CTSL: variants seen among roughly 807,000 people sequenced by gnomAD.
CTSL encodes cathepsin L.
A neutral mutation model predicts 34.7 loss-of-function variants in CTSL; 23 were observed. The observed-to-expected ratio is 0.66, with a 90% confidence interval of 0.48 to 0.94. The LOEUF (loss-of-function observed/expected upper bound fraction) is 0.94, where lower values mean the gene tolerates loss of function less well. CTSL is among the 40% of genes least tolerant of loss of function. The pLI is 0.00. For synonymous variants in CTSL, 129 were observed against 136.7 expected (o/e 0.94, Z 0.39); for missense variants, 361 against 406.3 (o/e 0.89, Z 0.96).
chr9:87,729,209 C>G (rs1488021610), intron 5 of CTSL, among the ~76,000 whole-genome samples: 2 of 151,918 alleles, frequency 1.3e-5, no homozygotes, highest in Non-Finnish European at 2.9e-5. Context: ...GAATATATAT[C>G]TGCAAATTGT....
chr9:87,729,813 C>T (rs2118246400), intron 6 of CTSL, 78 bp downstream of exon 6: 2 of 1,435,394 alleles, frequency 1.4e-6, no homozygotes, highest in Non-Finnish European at 1.9e-6. Flanking sequence ...CTCTGGTTTG[C>T]AAGTAAAGTT....
intron 6 of CTSL, among the ~76,000 whole-genome samples, 183 bp downstream of exon 6, chr9:87,729,918 A>G (rs896080239): frequency 6.6e-6 from 1 of 152,250 alleles, no homozygotes; most frequent in African/African-American, 2.4e-5. Flanking sequence ...TGTTGCGTAT[A>G]TCTCCATGAA....
chr9:87,730,941 G>A, intron 7 of CTSL, 67 bp from the exon 8 acceptor site: 1 of 1,282,996 alleles, frequency 7.8e-7, no homozygotes, highest in East Asian at 2.3e-5. Flanking sequence ...TTTAAGTTGG[G>A]TGTTCCTGTT....
chr9:87,726,993 C>G (rs967895214), intron 1 of CTSL, among the ~76,000 whole-genome samples: 1 of 151,838 alleles, frequency 6.6e-6, no homozygotes, highest in Non-Finnish European at 1.5e-5. Flanking sequence ...GAGCCGATAT[C>G]GCGCCGTTGA....
chr9:87,729,562 A>T lies in CTSL; in HGVS notation c.622-11A>T, dbSNP rs1251347195. On this transcript the variant is annotated splice_polypyrimidine_tract_variant and intron_variant, in intron 5 of 7. Transcript: ENST00000343150. ...GTAATCAAGTCTTTTTTTTCCCTTT[A>T]CCTTTGAAAGGAAGAATCCTGTAAG... is the stretch of plus-strand genomic sequence containing the variant. The T allele has an allele frequency of 3.7e-6, 6 of 1,608,350 alleles. No individual in the cohort carries two copies. The highest frequency in any genetic ancestry group is 1.7e-5 in the Admixed American group (1 of 58,506).
chr9:87,728,093 G>A lies in CTSL; in HGVS notation c.193G>A (p.Glu65Lys), dbSNP rs1204547767. Residue 65 changes from glutamate (E) to lysine (K), a missense_variant, in exon 3 of 8, where the codon GAA (glutamate) becomes AAA (lysine). By Grantham distance (56) the Glu-to-Lys change is moderately conservative (BLOSUM62 1). Coordinates refer to ENST00000343150, the MANE Select transcript of CTSL (RefSeq NM_001912.5). Reference protein sequence around the residue: ...NMKMIELHNQEYREGKHSFTM... With the variant: ...NMKMIELHNQKYREGKHSFTM... ...GAAGATGATTGAACTGCACAATCAG[G>A]AATACAGGGAAGGGAAACACAGCTT... is the stretch of plus-strand genomic sequence containing the variant. 6.2e-7 allele frequency: 1 copy of A among 1,614,090 alleles called. No individual in the cohort carries two copies. Among genetic ancestry groups the A allele is most frequent in the East Asian group, 2.2e-5 (1 of 44,880 alleles).
At chr9:87,727,486 T>A (rs562492997) in intron 1 of CTSL, 108 bp from the exon 2 acceptor site, 14 of 1,160,806 alleles carry the variant, frequency 1.2e-5, no homozygotes, top group Non-Finnish European at 1.7e-5. Flanking sequence ...CTTGGGAGAA[T>A]AATTTAAATA....
chr9:87,726,988 G>C (rs1826028525), intron 1 of CTSL, among the ~76,000 whole-genome samples: 2 of 151,900 alleles, frequency 1.3e-5, no homozygotes, highest in Non-Finnish European at 2.9e-5. Flanking sequence ...GCTGTGAGCC[G>C]ATATCGCGCC....
At chr9:87,730,845 A>C (rs1826230085) in intron 7 of CTSL, among the ~76,000 whole-genome samples, 163 bp from the exon 8 acceptor site, 3 of 152,222 alleles carry the variant, frequency 2.0e-5, no homozygotes. Context: ...AATTATGTCC[A>C]GGTTATGTCA....
At position 87,731,037 on chromosome 9, in the gene CTSL, A is replaced by G. The variant is rs768961115; in HGVS notation, c.932A>G (p.Tyr311Cys). 5 of 1,613,954 alleles carry G rather than the reference A, an allele frequency of 3.1e-6. No homozygotes were observed. Among genetic ancestry groups the G allele is most frequent in the Non-Finnish European group, 4.2e-6 (5 of 1,179,976 alleles). The change falls in exon 8 of 8, where the codon TAC (tyrosine) becomes TGC (cysteine). Residue 311 changes from tyrosine (Y) to cysteine (C), a missense_variant. Transcript: ENST00000343150. ...GGTGAAGAATGGGGCATGGGTGGCT[A>G]CGTAAAGATGGCCAAAGACCGGAGA... Reference protein sequence around the residue: ...SWGEEWGMGGYVKMAKDRRNH... With the variant: ...SWGEEWGMGGCVKMAKDRRNH...
At position 87,731,140 on chromosome 9, in the gene CTSL, G is replaced by A. The variant is rs773703804; in HGVS notation, c.*33G>A. The A allele has an allele frequency of 4.7e-5, 73 of 1,555,980 alleles. No individual in the cohort carries two copies. Among genetic ancestry groups the A allele is most frequent in the Middle Eastern group, 3.4e-4 (2 of 5,938 alleles). On this transcript the variant is annotated 3_prime_UTR_variant, in exon 8 of 8. Transcript: ENST00000343150. ...GACGGTGATGAGGAAGGACTTGACTGGGGATGGCGCATGCATGGGAGGAAT... is the reference window on the plus strand; with the variant it reads ...GACGGTGATGAGGAAGGACTTGACTAGGGATGGCGCATGCATGGGAGGAAT...
Position 87,727,672 on chromosome 9 carries a change from C to A in CTSL, c.69C>A (p.His23Gln), listed in dbSNP as rs149469120. 339 of 1,613,840 alleles carry A rather than the reference C, an allele frequency of 2.1e-4. 1 individual carries two copies. The highest frequency in any genetic ancestry group is 6.6e-4 in the Middle Eastern group (4 of 6,082). Reference protein sequence around the residue: ...GIASATLTFDHSLEAQWTKWK... With the variant: ...GIASATLTFDQSLEAQWTKWK... ...CCTCAGCTACTCTAACATTTGATCA[C>A]AGTTTAGAGGCACAGTGGACCAAGT... The change falls in exon 2 of 8, where the codon CAC (histidine) becomes CAA (glutamine). Residue 23 changes from histidine (H) to glutamine (Q), a missense_variant. Physicochemically the swap from His to Gln is conservative, Grantham distance 24. Coordinates refer to ENST00000343150, the MANE Select transcript of CTSL (RefSeq NM_001912.5).
intron 5 of CTSL, chr9:87,729,011 C>A: frequency 2.2e-6 from 3 of 1,355,220 alleles, no homozygotes; most frequent in Non-Finnish European, 2.9e-6. Flanking sequence ...CAAGGTGAAA[C>A]CTTGACTCTA....
Position 87,731,028 on chromosome 9 carries a change from T to C in CTSL, c.923T>C (p.Met308Thr). 1.2e-6 allele frequency: 2 copies of C among 1,614,064 alleles called. No individual in the cohort carries two copies. Among genetic ancestry groups the C allele is most frequent in the South Asian group, 1.1e-5 (1 of 91,064 alleles). Reference sequence around the variant, plus strand: ...TTCAGCTGGGGTGAAGAATGGGGCATGGGTGGCTACGTAAAGATGGCCAAA... The same window carrying C: ...TTCAGCTGGGGTGAAGAATGGGGCACGGGTGGCTACGTAAAGATGGCCAAA... ...VKNSWGEEWG[M>T]GGYVKMAKDR... Residue 308 changes from methionine (M) to threonine (T), a missense_variant, in exon 8 of 8, where the codon ATG becomes ACG. Coordinates refer to ENST00000343150, the MANE Select transcript of CTSL (RefSeq NM_001912.5).
intron 2 of CTSL, 22 bp downstream of exon 2, chr9:87,727,751 A>G: frequency 1.9e-6 from 3 of 1,613,956 alleles, no homozygotes; most frequent in Non-Finnish European, 1.7e-6. Flanking sequence ...TTCCCCAGAA[A>G]GAATAGTCCT....
chr9:87,727,337 T>C (rs1215393879), intron 1 of CTSL, among the ~76,000 whole-genome samples: 1 of 152,164 alleles, frequency 6.6e-6, no homozygotes, highest in East Asian at 1.9e-4. Context: ...ATAACCTAAA[T>C]TGTCATCGCA....
rs1826134653 is a variant in CTSL at position 87,728,618 on chromosome 9, A to T, written c.430A>T (p.Thr144Ser). Residue 144 changes from threonine to serine, a missense_variant, in exon 5 of 8, where the codon ACT becomes TCT. Thr to Ser is a moderately conservative substitution (Grantham distance 58). Coordinates refer to ENST00000343150, the MANE Select transcript of CTSL (RefSeq NM_001912.5). ...QCGSCWAFSA[T>S]GALEGQMFRK... ...TGGTTCTTGTTGGGCTTTTAGTGCT[A>T]CTGGTGCTCTTGAAGGACAGATGTT... The T allele has an allele frequency of 2.5e-6, 4 of 1,613,620 alleles. No homozygotes were observed. Among genetic ancestry groups the T allele is most frequent in the Non-Finnish European group, 3.4e-6 (4 of 1,180,014 alleles).
intron 1 of CTSL, among the ~76,000 whole-genome samples, chr9:87,726,762 G>C (rs1826012558): frequency 1.3e-5 from 2 of 152,142 alleles, no homozygotes; most frequent in South Asian, 4.1e-4. Context: ...GGAGAGGTTG[G>C]GGCGGCGCGG....
intron 6 of CTSL, 128 bp from the exon 7 acceptor site, chr9:87,730,253 A>G: frequency 1.9e-6 from 1 of 536,088 alleles, no homozygotes. Flanking sequence ...TATTGTTGTT[A>G]AGTACTATCT....
Sources: gnomAD v4.1 joint callset for allele counts (sites outside exome capture counted in the v4.1 genomes callset) on GRCh38, gnomAD v4.1.1 for gene constraint, MANE v1.5 for transcripts, NCBI Gene and HGNC (gene_info 2026-07-23, HGNC 2026-07-21) for gene names.